Variants in PC observed in about 807,000 individuals in gnomAD.
The protein encoded by PC is pyruvate carboxylase, mitochondrial.
PC carries 46 observed loss-of-function variants against 107.8 expected under a neutral mutation model. That is an observed-to-expected ratio of 0.43 (90% CI 0.34 to 0.55). The LOEUF (loss-of-function observed/expected upper bound fraction) is 0.55. Ranked by LOEUF, PC falls within the 20% of genes least tolerant of loss-of-function variation. PC has a pLI of 0.04. For missense variants in PC, 1,241 were observed against 1,643.1 expected, an observed-to-expected ratio of 0.76 and a Z score of 4.23; for synonymous variants, 662 against 684.7, an observed-to-expected ratio of 0.97 and a Z score of 0.52.
intron 10 of PC, 64 bp downstream of exon 10, chr11:66,868,782 C>G (rs897986797): frequency 7.5e-7 from 1 of 1,327,474 alleles, no homozygotes; most frequent in African/African-American, 1.4e-5. Context: ...GGAGCCACTT[C>G]GCCTGTACTT....
chr11:66,924,648 T>TCA (rs1317270468), intron 3 of PC, among the ~76,000 whole-genome samples: 1 of 152,018 alleles, frequency 6.6e-6, no homozygotes, highest in African/African-American at 2.4e-5. Flanking sequence ...TTAGCATGTG[T>TCA]CAGGGTTTCA....
intron 3 of PC, among the ~76,000 whole-genome samples, chr11:66,910,023 T>C (rs1479676694): frequency 6.6e-6 from 1 of 152,068 alleles, no homozygotes; most frequent in Non-Finnish European, 1.5e-5. Flanking sequence ...AATTCAACAA[T>C]TAACCTTCCA....
intron 3 of PC, among the ~76,000 whole-genome samples, chr11:66,926,529 C>G (rs563714072): frequency 6.6e-6 from 1 of 152,188 alleles, no homozygotes; most frequent in African/African-American, 2.4e-5. Flanking sequence ...GTCAACACAA[C>G]CGGGGTCTAG....
chr11:66,862,528 G>A (rs921357185), intron 12 of PC, among the ~76,000 whole-genome samples: 11 of 152,220 alleles, frequency 7.2e-5, no homozygotes, highest in African/African-American at 2.4e-4. Flanking sequence ...AGGGGCCGGT[G>A]CCAGTGCCCA....
At chr11:66,910,215 A>G (rs182136268) in intron 3 of PC, among the ~76,000 whole-genome samples, 43 of 152,144 alleles carry the variant, frequency 2.8e-4, no homozygotes, top group African/African-American at 1.0e-3. Flanking sequence ...TGGGTGACAA[A>G]CAGAACCAGG....
At chr11:66,933,342 T>C (rs962311571) in intron 3 of PC, among the ~76,000 whole-genome samples, 1 of 152,140 alleles carries the variant, frequency 6.6e-6, no homozygotes, top group Non-Finnish European at 1.5e-5. Context: ...CTACCAGCCC[T>C]TTCTCCTCTC....
intron 3 of PC, among the ~76,000 whole-genome samples, chr11:66,929,321 C>A (rs1948790810): frequency 6.6e-6 from 1 of 152,096 alleles, no homozygotes; most frequent in Non-Finnish European, 1.5e-5. Flanking sequence ...AGAATGGAAG[C>A]CATAACCCTA....
intron 3 of PC, among the ~76,000 whole-genome samples, chr11:66,882,275 T>C (rs1319254046): frequency 6.6e-6 from 1 of 152,226 alleles, no homozygotes; most frequent in Non-Finnish European, 1.5e-5. Context: ...GCAGCCTTTC[T>C]GGGGACCAGG....
rs542857655 is a variant in PC, at chr11:66,866,086, C to T, written c.1185+101G>A. ...TTCAGAGCCCACATGCGGGTCCTCCCTAACTGCCGGGCTGTGGCAACTTGG... is the reference window on the plus strand; with the variant it reads ...TTCAGAGCCCACATGCGGGTCCTCCTTAACTGCCGGGCTGTGGCAACTTGG... On this transcript the variant is annotated intron_variant, in intron 11 of 22. Coordinates refer to ENST00000393960, the MANE Select transcript of PC (RefSeq NM_001040716.2). The surrounding 1 kb of genome is among the most constrained non-coding windows in gnomAD (Gnocchi z 5.4). The T allele has an allele frequency of 1.5e-6, 2 of 1,367,484 alleles. No homozygotes were observed. Among genetic ancestry groups the T allele is most frequent in the East Asian group, 4.6e-5 (2 of 43,106 alleles). The allele number at this position is 1,367,484 out of a possible 1,614,324, so 84.7% of individuals were successfully genotyped here. A position where few individuals can be genotyped will look rare whatever the true frequency, so the allele number is the denominator to read the frequency against.
At chr11:66,922,137 G>T (rs1273387170) in intron 3 of PC, among the ~76,000 whole-genome samples, 2 of 152,186 alleles carry the variant, frequency 1.3e-5, no homozygotes, top group Non-Finnish European at 2.9e-5. Context: ...AGTCAGAGAG[G>T]AGAGTGTGGG....
In PC at chr11:66,850,250, C is replaced by T; in HGVS notation, c.2688G>A (p.Glu896=). 6.2e-7 allele frequency: 1 copy of T among 1,614,108 alleles called. No individual in the cohort carries two copies. ...KFKEVKKAYV[E]ANQMLGDLIK... ...TGAGATCGCCCAGCATCTGGTTGGC[C>T]TCCACATAGGCCTTCTTGACCTCCT... Residue 896 remains glutamate, a synonymous_variant, in exon 19 of 23, where the codon GAG becomes GAA. Transcript: ENST00000393960.
intron 3 of PC, among the ~76,000 whole-genome samples, chr11:66,929,330 T>G (rs767022031): frequency 6.6e-6 from 1 of 152,122 alleles, no homozygotes; most frequent in Non-Finnish European, 1.5e-5. Flanking sequence ...GCCATAACCC[T>G]AGGGATGCAA....
chr11:66,895,180 C>A (rs1166758082), intron 3 of PC, among the ~76,000 whole-genome samples: 1 of 152,048 alleles, frequency 6.6e-6, no homozygotes, highest in Non-Finnish European at 1.5e-5. Context: ...CAGTTGAGGG[C>A]CTGGGGACCT....
rs556658254 is a variant in PC at position 66,855,198 on chromosome 11, A to G, written c.1369-1815T>C. Among the ~76,000 whole-genome samples the G allele has an allele frequency of 2.4e-4, 36 of 152,302 alleles. No individual in the cohort carries two copies. The South Asian group carries it at 7.3e-3, about 31-fold the overall frequency. ...CCCCTTTGTGACTGTCGGGTTGCCC[A>G]TCCTCTCCTCCATACTGTAAGCTCT... On this transcript the variant is annotated intron_variant, in intron 12 of 22. Coordinates refer to ENST00000393960, the MANE Select transcript of PC (RefSeq NM_001040716.2).
chr11:66,907,450 C>T (rs940415301), intron 3 of PC, among the ~76,000 whole-genome samples: 1 of 152,128 alleles, frequency 6.6e-6, no homozygotes, highest in African/African-American at 2.4e-5. Context: ...TCGCTTGAAC[C>T]CGGGAGGCAG....
intron 12 of PC, among the ~76,000 whole-genome samples, chr11:66,854,323 A>T (rs1287059873): frequency 6.6e-6 from 1 of 152,010 alleles, no homozygotes; most frequent in Admixed American, 6.5e-5. Context: ...CCCTGTCCTC[A>T]CACCCTCGGC....
In PC at chr11:66,853,378, G is replaced by A; in HGVS notation, c.1374C>T (p.Asn458=). Residue 458 remains asparagine (N), a synonymous_variant, in exon 13 of 23, where the codon AAC becomes AAT. Transcript: ENST00000393960. The stretch of plus-strand genomic sequence containing the variant: ...TGAGCACATTCTGCAGGAAGGCGAT[G>A]TTGGTCTGCAGGACAGAGGCGGGTG... ...AEFRVRGVKT[N]IAFLQNVLNN... 1.2e-6 allele frequency: 2 copies of A among 1,613,270 alleles called. No homozygotes were observed. The highest frequency in any genetic ancestry group is 1.7e-6 in the Non-Finnish European group (2 of 1,179,394).
Position 66,857,549 on chromosome 11 carries a change from C to T in PC, c.1369-4166G>A. The T allele has an allele frequency of 5.1e-6, 3 of 593,924 alleles. No individual in the cohort carries two copies. The highest frequency in any genetic ancestry group is 6.1e-5 in the Admixed American group (2 of 32,660). The allele number at this position is 593,924 out of a possible 1,614,324, so 36.8% of individuals were successfully genotyped here. A position where few individuals can be genotyped will look rare whatever the true frequency, so the allele number is the denominator to read the frequency against. On this transcript the variant is annotated intron_variant, in intron 12 of 22. Coordinates refer to ENST00000393960, the MANE Select transcript of PC (RefSeq NM_001040716.2). This position sits in a 1 kb window ranked among gnomAD's most constrained non-coding sequence, Gnocchi z 7.1. ...CCCCTTAACTGCTTGGGAAATGTGACCTTTGCTCTGGGGGGCCTGGCCCTG... is the reference window on the plus strand; with the variant it reads ...CCCCTTAACTGCTTGGGAAATGTGATCTTTGCTCTGGGGGGCCTGGCCCTG...
chr11:66,875,255 G>A (rs1946931159), intron 3 of PC, among the ~76,000 whole-genome samples: 1 of 152,114 alleles, frequency 6.6e-6, no homozygotes, highest in East Asian at 1.9e-4. Flanking sequence ...GGTCGGGGTG[G>A]GGCTTAGGAA....
Sources: allele counts gnomAD v4.1 joint callset (sites outside exome capture counted in the v4.1 genomes callset), GRCh38; gene constraint gnomAD v4.1.1; non-coding constraint Gnocchi (gnomAD v3.1); transcripts MANE v1.5; gene names NCBI Gene and HGNC (gene_info 2026-07-23, HGNC 2026-07-21).